Variants in ARID1B observed in about 807,000 individuals in gnomAD.
ARID1B encodes AT-rich interactive domain-containing protein 1B.
ARID1B carries 30 observed loss-of-function variants against 212.3 expected under a neutral mutation model. The ratio of observed to expected loss-of-function variants is 0.14; its 90% confidence interval spans 0.11 to 0.19. The LOEUF (loss-of-function observed/expected upper bound fraction) is 0.19. Among genes scored for constraint, ARID1B ranks in the 10% least tolerant of loss-of-function variants. The pLI, the probability that ARID1B is intolerant of heterozygous loss-of-function variation, is 1.00. For missense variants in ARID1B, 2,891 were observed against 3,204.0 expected (o/e 0.90, Z 2.36); for synonymous variants, 1,402 against 1,301.7 (o/e 1.08, Z -1.66).
At chr6:157,107,405 T>C (rs138985689) in intron 5 of ARID1B, among the ~76,000 whole-genome samples, 1,706 of 152,270 alleles carry the variant, frequency 0.011, 13 homozygotes, top group Middle Eastern at 0.024. Flanking sequence ...CTAAAGGATA[T>C]AAGGGAACTC....
intron 5 of ARID1B, among the ~76,000 whole-genome samples, chr6:157,091,834 G>A (rs546457169): frequency 3.3e-5 from 5 of 152,298 alleles, no homozygotes; most frequent in South Asian, 2.1e-4. Flanking sequence ...GTGTCGTTTC[G>A]TGATGACATT....
intron 1 of ARID1B, among the ~76,000 whole-genome samples, chr6:156,816,989 A>G (rs1742084298): frequency 6.6e-6 from 1 of 152,066 alleles, no homozygotes; most frequent in South Asian, 2.1e-4. Context: ...CCACAGCATA[A>G]TCAGAAGGTC....
At chr6:157,064,933 G>A (rs1783575525) in intron 4 of ARID1B, among the ~76,000 whole-genome samples, 1 of 152,082 alleles carries the variant, frequency 6.6e-6, no homozygotes, top group African/African-American at 2.4e-5. Context: ...GTTTTATTAG[G>A]AACTGACTAT....
chr6:156,886,776 T>G (rs1787543350), intron 2 of ARID1B, among the ~76,000 whole-genome samples: 4 of 152,230 alleles, frequency 2.6e-5, no homozygotes, highest in Admixed American at 2.6e-4. Context: ...GTGCCGAGCC[T>G]TCCAAGGAGG....
At chr6:157,134,029 T>G (rs759778352) in intron 7 of ARID1B, among the ~76,000 whole-genome samples, 9 of 152,220 alleles carry the variant, frequency 5.9e-5, no homozygotes, top group Non-Finnish European at 1.0e-4. Context: ...TTAGAGAGAA[T>G]GAGATAATCT....
intron 2 of ARID1B, among the ~76,000 whole-genome samples, chr6:156,841,475 A>G (rs1237648437): frequency 6.6e-6 from 1 of 152,092 alleles, no homozygotes; most frequent in Non-Finnish European, 1.5e-5. Context: ...CCTTCATGTA[A>G]ACTGTCACCA....
Position 157,201,142 on chromosome 6 carries a change from C to T in ARID1B, c.4917C>T (p.Val1639=), listed in dbSNP as rs1487640290. 2 of 1,614,190 alleles carry T rather than the reference C, an allele frequency of 1.2e-6. No individual in the cohort carries two copies. Among genetic ancestry groups the T allele is most frequent in the Non-Finnish European group, 1.7e-6 (2 of 1,180,034 alleles). Residue 1639 remains valine, a synonymous_variant, in exon 18 of 20, where the codon GTC becomes GTT. Transcript: ENST00000636930. The surrounding 1 kb of genome is among the most constrained non-coding windows in gnomAD (Gnocchi z 5.2). ...ATGAGAGCCAGTGGCCTTCTCACGT[C>T]AGCCAGCGTCAGCCTTATATGTCGT... ...INHESQWPSH[V]SQRQPYMSSS...
rs371228050 is a variant in ARID1B, at chr6:156,903,957, T to A, written c.2136+2432T>A. On this transcript the variant is annotated intron_variant, in intron 3 of 19. Coordinates refer to ENST00000636930, the MANE Select transcript of ARID1B (RefSeq NM_001374828.1). The stretch of plus-strand genomic sequence containing the variant: ...AGGGTTCCATCAAGATACCTGACTT[T>A]GTGTCTTCAATATTTTTCATATGTT... Among the ~76,000 whole-genome samples, 32 of 152,342 alleles carry A rather than the reference T, an allele frequency of 2.1e-4. No individual in the cohort carries two copies. In the South Asian group the frequency reaches 5.8e-3, roughly 28 times the overall value.
chr6:157,000,593 A>G (rs933251712), intron 4 of ARID1B, among the ~76,000 whole-genome samples: 2 of 151,990 alleles, frequency 1.3e-5, no homozygotes, highest in Non-Finnish European at 2.9e-5. Flanking sequence ...ATGTGGAACA[A>G]TGTTCTTACA....
Position 157,206,881 on chromosome 6 carries a change from C to T in ARID1B, c.6109C>T (p.Arg2037Trp), listed in dbSNP as rs530153456. The change falls in exon 20 of 20, where the codon CGG becomes TGG. Residue 2037 changes from arginine to tryptophan, a missense_variant. Transcript: ENST00000636930. This position sits in a 1 kb window ranked among gnomAD's most constrained non-coding sequence, Gnocchi z 6.8. ...TGGTATCCAGCAAGCCAAAAGTCAC[C>T]GGAACATCAAGCTGCTGGAGGACGA... ...PFGIQQAKSH[R>W]NIKLLEDEPR... 2.0e-5 allele frequency: 33 copies of T among 1,614,122 alleles called. 1 individual carries two copies. The South Asian group carries it at 2.6e-4, about 13-fold the overall frequency.
chr6:157,001,464 C>T (rs115336145), intron 4 of ARID1B, among the ~76,000 whole-genome samples: 194 of 152,246 alleles, frequency 1.3e-3, no homozygotes, highest in African/African-American at 4.4e-3. Context: ...ACATTTCGTC[C>T]GACGTCTCCT....
At chr6:156,863,925 C>T (rs992912911) in intron 2 of ARID1B, among the ~76,000 whole-genome samples, 6 of 152,090 alleles carry the variant, frequency 3.9e-5, no homozygotes, top group African/African-American at 1.2e-4. Context: ...GGAGAGATTC[C>T]GTTACTTCTT....
intron 3 of ARID1B, among the ~76,000 whole-genome samples, chr6:156,916,487 G>T (rs547411225): frequency 9.2e-5 from 14 of 152,212 alleles, no homozygotes; most frequent in African/African-American, 2.9e-4. Context: ...TGAAGAAGTT[G>T]CTTCCATTTT....
At chr6:156,836,621 CT>C (rs1454138029) in intron 2 of ARID1B, among the ~76,000 whole-genome samples, 1 of 152,064 alleles carries the variant, frequency 6.6e-6, no homozygotes, top group Non-Finnish European at 1.5e-5. Flanking sequence ...TGGATTTCCC[CT>C]TTAAAGTAAT....
At position 157,200,841 on chromosome 6, in the gene ARID1B, G is replaced by A. The variant is rs144424476; in HGVS notation, c.4616G>A (p.Arg1539His). 1.3e-5 allele frequency: 21 copies of A among 1,614,010 alleles called. No individual in the cohort carries two copies. Among genetic ancestry groups the A allele is most frequent in the African/African-American group, 1.2e-4 (9 of 75,050 alleles). ...QYGGSYSGPD[R>H]RPIQGQYPYP... is the part of the protein sequence containing the mutation. ...GGAGGCTCCTACTCGGGCCCGGACC[G>A]CAGGCCCATCCAGGGCCAGTACCCG... Residue 1539 changes from arginine to histidine, a missense_variant, in exon 18 of 20, where the codon CGC becomes CAC. Physicochemically the swap from Arg to His is conservative, Grantham distance 29 (BLOSUM62 0). Around this residue, in one of 7 missense-constraint regions of ARID1B, gnomAD observed 666 missense variants for 873.5 expected, o/e 0.76. Coordinates refer to ENST00000636930, the MANE Select transcript of ARID1B (RefSeq NM_001374828.1). The surrounding 1 kb of genome is among the most constrained non-coding windows in gnomAD (Gnocchi z 4.3).
At chr6:156,909,697 C>A (rs955763063) in intron 3 of ARID1B, among the ~76,000 whole-genome samples, 1 of 152,176 alleles carries the variant, frequency 6.6e-6, no homozygotes, top group Non-Finnish European at 1.5e-5. Flanking sequence ...GCTTTATCTG[C>A]CAGTTTTCTC....
At chr6:157,180,848 T>C in intron 11 of ARID1B, 121 bp from the exon 12 acceptor site, 2 of 742,250 alleles carry the variant, frequency 2.7e-6, no homozygotes, top group South Asian at 3.7e-5. Flanking sequence ...TGTTGTGTGA[T>C]AGCAGTAGTT....
chr6:157,184,718 G>A (rs896537789), intron 13 of ARID1B: 23 of 489,064 alleles, frequency 4.7e-5, no homozygotes, highest in African/African-American at 3.3e-4. Context: ...AGCCATATAC[G>A]TTTATTGCTT....
chr6:157,027,645 G>T (rs1053317532), intron 4 of ARID1B, among the ~76,000 whole-genome samples: 11 of 152,244 alleles, frequency 7.2e-5, no homozygotes, highest in African/African-American at 2.7e-4. Context: ...ATCTAAAAAT[G>T]TATTTGTTTT....
Sources: allele counts gnomAD v4.1 joint callset (sites outside exome capture counted in the v4.1 genomes callset), GRCh38; gene constraint gnomAD v4.1.1; regional missense constraint gnomAD v4.1.1; non-coding constraint Gnocchi (gnomAD v3.1); transcripts MANE v1.5; gene names NCBI Gene and HGNC (gene_info 2026-07-23, HGNC 2026-07-21).